ZFAT: variants seen among roughly 807,000 people sequenced by gnomAD.
ZFAT encodes the protein zinc finger protein ZFAT.
A neutral mutation model predicts 117.7 loss-of-function variants in ZFAT; 64 were observed. The ratio of observed to expected loss-of-function variants is 0.54; its 90% CI spans 0.44 to 0.67. ZFAT has a LOEUF of 0.67. ZFAT is among the 30% of genes least tolerant of loss of function. ZFAT has a pLI of 0.00. For missense variants in ZFAT, 1,433 were observed against 1,584.5 expected, an observed-to-expected ratio of 0.90 and a Z score of 1.62; for synonymous variants, 679 against 615.0, an observed-to-expected ratio of 1.10 and a Z score of -1.54.
chr8:134,807,385 TAAGAAA>T, the ZFAT span, among the ~76,000 whole-genome samples: 1 of 152,028 alleles, frequency 6.6e-6, no homozygotes, highest in Non-Finnish European at 1.5e-5. Context: ...CCAGAATACA[TAAGAAA>T]ACAATTAACA....
chr8:134,675,192 A>T (rs1176809027), intron 1 of ZFAT, among the ~76,000 whole-genome samples: 1 of 152,220 alleles, frequency 6.6e-6, no homozygotes, highest in African/African-American at 2.4e-5. Flanking sequence ...AATGCAAGGA[A>T]GCTAAAAACC....
chr8:134,566,004 G>A (rs72719752), intron 10 of ZFAT, among the ~76,000 whole-genome samples: 13,326 of 151,920 alleles, frequency 0.088, 736 homozygotes, highest in Non-Finnish European at 0.13. Context: ...CAGGATCTGC[G>A]TTGCAGAACT....
chr8:134,520,872 A>G lies in ZFAT; in HGVS notation c.3234+11T>C. 6.2e-7 allele frequency: 1 copy of G among 1,605,038 alleles called. No individual in the cohort carries two copies. Among genetic ancestry groups the G allele is most frequent in the South Asian group, 1.1e-5 (1 of 90,534 alleles). ...AAATGTCAAGATTAATACCATACTT[A>G]AAAAAATTACCTCCCACTTGGGGTC... On this transcript the variant is annotated intron_variant, in intron 13 of 15. Transcript: ENST00000377838.
chr8:134,801,595 C>G, the ZFAT span, among the ~76,000 whole-genome samples: 1 of 152,170 alleles, frequency 6.6e-6, no homozygotes, highest in South Asian at 2.1e-4. Context: ...CCCGCCACCC[C>G]ACTCTACAAC....
chr8:134,657,082 C>T (rs995930044), intron 2 of ZFAT, among the ~76,000 whole-genome samples: 22 of 152,286 alleles, frequency 1.4e-4, no homozygotes, highest in Admixed American at 7.2e-4. Flanking sequence ...TAATCATGTA[C>T]GTTAGAACAA....
intron 11 of ZFAT, among the ~76,000 whole-genome samples, chr8:134,550,462 C>T (rs897879100): frequency 6.6e-6 from 1 of 152,072 alleles, no homozygotes; most frequent in African/African-American, 2.4e-5. Flanking sequence ...GTTTTAAAAC[C>T]GTGGCATACC....
intron 13 of ZFAT, among the ~76,000 whole-genome samples, chr8:134,518,398 T>A (rs1001657616): frequency 6.6e-6 from 1 of 152,196 alleles, no homozygotes; most frequent in Non-Finnish European, 1.5e-5. Context: ...ACCAGCAACG[T>A]ATGAGAGCAG....
At chr8:134,767,495 T>C in the ZFAT span, among the ~76,000 whole-genome samples, 1 of 152,164 alleles carries the variant, frequency 6.6e-6, no homozygotes, top group South Asian at 2.1e-4. Context: ...CTTAATTCCA[T>C]CATTTTACTT....
chr8:134,605,423 G>A (rs558806114), intron 5 of ZFAT, among the ~76,000 whole-genome samples: 1 of 152,198 alleles, frequency 6.6e-6, no homozygotes, highest in East Asian at 1.9e-4. Flanking sequence ...GTGGGCGCCT[G>A]CAGTCCCAGC....
At chr8:134,495,836 G>T (rs1471150036) in intron 15 of ZFAT, among the ~76,000 whole-genome samples, 1 of 152,142 alleles carries the variant, frequency 6.6e-6, no homozygotes, top group South Asian at 2.1e-4. Flanking sequence ...AGGCTGGAGT[G>T]GGAGGATCGC....
chr8:134,642,430 C>A (rs767962771), intron 2 of ZFAT, among the ~76,000 whole-genome samples: 13 of 152,148 alleles, frequency 8.5e-5, no homozygotes, highest in Non-Finnish European at 1.5e-4. Context: ...CAATCCATTA[C>A]AATGCTGGGC....
chr8:134,694,172 T>TA (rs771894837), intron 1 of ZFAT, among the ~76,000 whole-genome samples: 4 of 152,088 alleles, frequency 2.6e-5, no homozygotes, highest in South Asian at 2.1e-4. Flanking sequence ...CCTTCCGCCA[T>TA]AAAAAAGACG....
chr8:134,771,470 G>C, the ZFAT span, among the ~76,000 whole-genome samples: 1 of 152,162 alleles, frequency 6.6e-6, no homozygotes, highest in Non-Finnish European at 1.5e-5. Flanking sequence ...AATGCTGCCA[G>C]TGTCTTTGCT....
Position 134,637,464 on chromosome 8 carries a change from CT to C in ZFAT, c.444del (p.Ala149GlnfsTer9). On this transcript the variant is annotated frameshift_variant, in exon 3 of 16. Coordinates refer to ENST00000377838, the MANE Select transcript of ZFAT (RefSeq NM_020863.4). LOFTEE classifies it high-confidence loss of function. ...TCAGCCCTTTGGCAGCATTTACCTG[CT>C]TCTCCTTCCTCCTCACCCAAATTCA... ...IVLNLGEEEG[E>X]AGNESDLELE... is the part of the protein sequence containing the mutation. 2 of 1,605,448 alleles carry C rather than the reference CT, an allele frequency of 1.2e-6. No individual in the cohort carries two copies. The highest frequency in any genetic ancestry group is 1.7e-6 in the Non-Finnish European group (2 of 1,172,656).
chr8:134,696,511 C>A (rs1226280258), intron 1 of ZFAT: 33 of 983,200 alleles, frequency 3.4e-5, no homozygotes, highest in Non-Finnish European at 3.7e-5. Flanking sequence ...AGAGGTGAGG[C>A]CACCGCCTCT....
chr8:134,735,585 T>C, the ZFAT span, among the ~76,000 whole-genome samples: 3 of 152,240 alleles, frequency 2.0e-5, no homozygotes, highest in African/African-American at 7.2e-5. Flanking sequence ...TTTTCAATTT[T>C]ATTCCCTTTT....
At position 134,577,721 on chromosome 8, in the gene ZFAT, C is replaced by A. The variant is rs555359896; in HGVS notation, c.2887+6111G>T. Among the ~76,000 whole-genome samples the A allele has an allele frequency of 2.0e-4, 31 of 151,934 alleles. No individual in the cohort carries two copies. The South Asian group carries it at 4.8e-3, about 23-fold the overall frequency. On this transcript the variant is annotated intron_variant, in intron 10 of 15. Transcript: ENST00000377838. ...GTGAAGCTTACAATCTAGTGGAAGACACAAAACATCATAAATAAGGAAATT... is the reference window on the plus strand; with the variant it reads ...GTGAAGCTTACAATCTAGTGGAAGAAACAAAACATCATAAATAAGGAAATT...
In ZFAT at chr8:134,655,550, A is replaced by C. The variant is rs185395275; in HGVS notation, c.196+2011T>G. On this transcript the variant is annotated intron_variant, in intron 2 of 15. Transcript: ENST00000377838. ...GTAGTCACAGCTACTCAGGTGGCTG[A>C]GGTGAGAGGAACGCTTGAGCCCAAA... 4.6e-5 allele frequency among the ~76,000 whole-genome samples: 7 copies of C among 151,922 alleles called. 1 individual carries two copies. Among genetic ancestry groups the C allele is most frequent in the Admixed American group, 4.6e-4 (7 of 15,268 alleles).
At chr8:134,493,690 A>G (rs4289761) in intron 15 of ZFAT, among the ~76,000 whole-genome samples, 37,920 of 152,212 alleles carry the variant, frequency 0.25, 5,127 homozygotes, top group Non-Finnish European at 0.31. Context: ...CACGGCACTC[A>G]TGACTGCTTC....
Sources: allele counts gnomAD v4.1 joint callset (sites outside exome capture counted in the v4.1 genomes callset), GRCh38; gene constraint gnomAD v4.1.1; transcripts MANE v1.5; gene names NCBI Gene and HGNC (gene_info 2026-07-23, HGNC 2026-07-21).